FGF2: variants seen among roughly 807,000 people sequenced by gnomAD.
The protein encoded by FGF2 is fibroblast growth factor 2.
FGF2 carries 13 observed loss-of-function variants against 15.9 expected under a neutral mutation model. The ratio of observed to expected loss-of-function variants is 0.82; its 90% CI spans 0.53 to 1.30. The LOEUF (loss-of-function observed/expected upper bound fraction) is 1.30, where lower values mean the gene tolerates loss of function less well. Ranked by LOEUF, FGF2 falls within the 50% of genes most tolerant of loss-of-function variation. The probability of loss-of-function intolerance (pLI) is 0.00; values close to 1 mark genes in which losing one functional copy is unlikely to be tolerated. For synonymous variants in FGF2, 90 were observed against 78.4 expected, an observed-to-expected ratio of 1.15 and a Z score of -0.78; for missense variants, 163 against 196.9, an observed-to-expected ratio of 0.83 and a Z score of 1.03.
chr4:122,858,474 T>G (rs1049916598), intron 1 of FGF2, among the ~76,000 whole-genome samples: 2 of 152,150 alleles, frequency 1.3e-5, no homozygotes, highest in Non-Finnish European at 2.9e-5. Context: ...CTCGGCTCAC[T>G]GCAACTTCCG....
chr4:122,851,567 T>C (rs1560743483), intron 1 of FGF2, among the ~76,000 whole-genome samples: 1 of 152,230 alleles, frequency 6.6e-6, no homozygotes, highest in Non-Finnish European at 1.5e-5. Context: ...AATGTGGCTC[T>C]AGTAGATAGT....
At chr4:122,829,171 A>G (rs1178543449) in intron 1 of FGF2, among the ~76,000 whole-genome samples, 2 of 152,166 alleles carry the variant, frequency 1.3e-5, no homozygotes, top group Non-Finnish European at 2.9e-5. Flanking sequence ...ATTGCATACC[A>G]CATTACCACC....
intron 1 of FGF2, among the ~76,000 whole-genome samples, chr4:122,854,340 C>CTGGTTTT (rs1726294717): frequency 6.6e-6 from 1 of 152,142 alleles, no homozygotes; most frequent in Non-Finnish European, 1.5e-5. Flanking sequence ...TAGTATTCGA[C>CTGGTTTT]CCTGGCAATC....
At chr4:122,883,417 C>G (rs911776189) in intron 2 of FGF2, among the ~76,000 whole-genome samples, 1 of 152,154 alleles carries the variant, frequency 6.6e-6, no homozygotes, top group African/African-American at 2.4e-5. Context: ...TCTTAAGGGT[C>G]TTTCCTTTCC....
intron 1 of FGF2, chr4:122,840,668 G>T: frequency 5.2e-6 from 1 of 191,962 alleles, no homozygotes; most frequent in South Asian, 1.2e-4. Context: ...GCTGCCCCAC[G>T]ACCTCCACTA....
At chr4:122,842,335 G>A (rs190352203) in intron 1 of FGF2, among the ~76,000 whole-genome samples, 1 of 152,352 alleles carries the variant, frequency 6.6e-6, no homozygotes, top group Non-Finnish European at 1.5e-5. Flanking sequence ...TTTCTGAGGA[G>A]AGGGTGCATA....
chr4:122,832,706 T>C (rs1323108285), intron 1 of FGF2, among the ~76,000 whole-genome samples: 1 of 152,246 alleles, frequency 6.6e-6, no homozygotes, highest in Non-Finnish European at 1.5e-5. Context: ...TAATGCTTGA[T>C]TGTTTGCATA....
At chr4:122,845,913 G>A (rs1726101252) in intron 1 of FGF2, among the ~76,000 whole-genome samples, 1 of 152,304 alleles carries the variant, frequency 6.6e-6, no homozygotes, top group South Asian at 2.1e-4. Context: ...GTGGCTGTTT[G>A]TGGCAAGAGG....
At chr4:122,871,773 T>C (rs1726738998) in intron 1 of FGF2, among the ~76,000 whole-genome samples, 1 of 118,460 alleles carries the variant, frequency 8.4e-6, no homozygotes, top group Non-Finnish European at 1.7e-5. Flanking sequence ...GACCTGACCA[T>C]TGAAAGACAA....
Position 122,860,187 on chromosome 4 carries a change from T to C in FGF2, c.179-16134T>C, listed in dbSNP as rs538154862. Among the ~76,000 whole-genome samples the C allele has an allele frequency of 2.3e-4, 35 of 152,270 alleles. No homozygotes were observed. In the South Asian group the frequency reaches 3.5e-3, roughly 15 times the overall value. On this transcript the variant is annotated intron_variant, in intron 1 of 2. Transcript: ENST00000644866. ...AGTTTTAAAATTTTCTCCATAAAAG[T>C]CCTAGATACTATTTGTTATCATCAT...
intron 1 of FGF2, among the ~76,000 whole-genome samples, chr4:122,870,239 A>G (rs1726702163): frequency 6.6e-6 from 1 of 152,196 alleles, no homozygotes; most frequent in East Asian, 1.9e-4. Flanking sequence ...GTTTGCCGGC[A>G]TTTTATTGAG....
chr4:122,848,074 A>C (rs1733028668), intron 1 of FGF2, among the ~76,000 whole-genome samples: 2 of 152,218 alleles, frequency 1.3e-5, no homozygotes, highest in Admixed American at 6.5e-5. Flanking sequence ...TGACTGTCCA[A>C]AGAGGGTGGT....
At chr4:122,885,008 G>A (rs1438976157) in intron 2 of FGF2, among the ~76,000 whole-genome samples, 1 of 152,206 alleles carries the variant, frequency 6.6e-6, no homozygotes, top group Non-Finnish European at 1.5e-5. Context: ...AGGGATCAAG[G>A]CGATATTAGA....
chr4:122,882,910 A>T (rs1726988959), intron 2 of FGF2: 1 of 152,144 alleles, frequency 6.6e-6, no homozygotes, highest in South Asian at 2.1e-4. Flanking sequence ...CCCCACCTCA[A>T]CACCAAAGAT....
chr4:122,827,448 T>A lies in FGF2; in HGVS notation c.178+96T>A. 2 of 1,400,988 alleles carry A rather than the reference T, an allele frequency of 1.4e-6. No homozygotes were observed. Among genetic ancestry groups the A allele is most frequent in the African/African-American group, 1.4e-5 (1 of 70,738 alleles). 86.8% of individuals were successfully genotyped at this position (1,400,988 alleles called of 1,614,324 possible). ...CTGCACCCTCCTCCCGGATCTTCAC[T>A]GCGACCCTAGCGCTCCGTGTGGTTT... On this transcript the variant is annotated intron_variant, in intron 1 of 2. Transcript: ENST00000644866. The surrounding 1 kb of genome is among the most constrained non-coding windows in gnomAD (Gnocchi z 4.2).
At chr4:122,887,413 C>T (rs1180923970) in intron 2 of FGF2, among the ~76,000 whole-genome samples, 1 of 152,036 alleles carries the variant, frequency 6.6e-6, no homozygotes, top group African/African-American at 2.4e-5. Context: ...TTTTAGCAGT[C>T]CCCCCCACTT....
chr4:122,846,965 G>T (rs308419), intron 1 of FGF2, among the ~76,000 whole-genome samples: 1 of 152,018 alleles, frequency 6.6e-6, no homozygotes, highest in African/African-American at 2.4e-5. Context: ...TCCTGGGAAG[G>T]GGGCATGGTC....
intron 2 of FGF2, among the ~76,000 whole-genome samples, chr4:122,885,418 A>G (rs1282298329): frequency 6.6e-6 from 1 of 152,254 alleles, no homozygotes. Flanking sequence ...GGCATAGTAG[A>G]GCACAGGAAT....
In FGF2 at chr4:122,827,459, C is replaced by T. The variant is rs535310601; in HGVS notation, c.178+107C>T. ...TCCCGGATCTTCACTGCGACCCTAG[C>T]GCTCCGTGTGGTTTCTGGCCGCGCG... On this transcript the variant is annotated intron_variant, in intron 1 of 2. Coordinates refer to ENST00000644866, the MANE Select transcript of FGF2 (RefSeq NM_001361665.2). This position sits in a 1 kb window ranked among gnomAD's most constrained non-coding sequence, Gnocchi z 4.2. 35 of 1,326,754 alleles carry T rather than the reference C, an allele frequency of 2.6e-5. No individual in the cohort carries two copies. The South Asian group carries it at 3.9e-4, about 15-fold the overall frequency. The allele number at this position is 1,326,754 out of a possible 1,614,324, so 82.2% of individuals were successfully genotyped here.
Sources: allele counts gnomAD v4.1 joint callset (sites outside exome capture counted in the v4.1 genomes callset), GRCh38; gene constraint gnomAD v4.1.1; non-coding constraint Gnocchi (gnomAD v3.1); transcripts MANE v1.5; gene names NCBI Gene and HGNC (gene_info 2026-07-23, HGNC 2026-07-21).